ARHGAP6: variants seen among roughly 807,000 people sequenced by gnomAD.
ARHGAP6 encodes the protein Rho GTPase activating protein 6.
ARHGAP6 carries 16 observed loss-of-function variants against 55.7 expected under a neutral mutation model. The ratio of observed to expected loss-of-function variants is 0.29; its 90% CI spans 0.19 to 0.44. The LOEUF (loss-of-function observed/expected upper bound fraction) is 0.44, where lower values mean the gene tolerates loss of function less well. ARHGAP6 is among the 20% of genes least tolerant of loss of function. ARHGAP6 has a pLI of 1.00. For missense variants in ARHGAP6, 698 were observed against 808.9 expected (o/e 0.86, Z 1.66); for synonymous variants, 382 against 360.9 (o/e 1.06, Z -0.66).
intron 1 of ARHGAP6, chrX:11,334,277 TG>T: frequency 7.4e-6 from 1 of 135,771 alleles, no homozygotes. Flanking sequence ...CCCGTGTTGC[TG>T]GAGGTGATCC....
intron 1 of ARHGAP6, chrX:11,266,022 T>G: frequency 1.3e-6 from 1 of 755,355 alleles, no homozygotes; most frequent in African/African-American, 2.4e-5. Flanking sequence ...TGTGTTTGTA[T>G]GCGTGTGTGC....
At chrX:11,572,111 C>A (rs987000437) in intron 1 of ARHGAP6, among the ~76,000 whole-genome samples, 1 of 111,330 alleles carries the variant, frequency 9.0e-6, no homozygotes, top group East Asian at 2.8e-4. Context: ...AACTGATTGA[C>A]CTATTAGATG....
At chrX:11,434,759 G>C (rs1166824442) in intron 1 of ARHGAP6, among the ~76,000 whole-genome samples, 1 of 111,606 alleles carries the variant, frequency 9.0e-6, no homozygotes, top group Non-Finnish European at 1.9e-5. Context: ...AATAAAATGA[G>C]GAGAATAAAA....
At chrX:11,452,197 G>A (rs2147808442) in intron 1 of ARHGAP6, among the ~76,000 whole-genome samples, 1 of 111,880 alleles carries the variant, frequency 8.9e-6, no homozygotes, top group East Asian at 2.8e-4. Flanking sequence ...GCCCAGTATG[G>A]AGTGCAGTGG....
At chrX:11,539,420 C>T (rs904111779) in intron 1 of ARHGAP6, among the ~76,000 whole-genome samples, 2 of 112,132 alleles carry the variant, frequency 1.8e-5, no homozygotes, top group African/African-American at 6.5e-5. Flanking sequence ...ACACCATCCC[C>T]ATAACAGCTT....
intron 1 of ARHGAP6, among the ~76,000 whole-genome samples, chrX:11,506,130 G>A (rs993803858): frequency 2.7e-5 from 3 of 111,304 alleles, no homozygotes; most frequent in African/African-American, 6.5e-5. Context: ...AGTCTCCCAC[G>A]ATTCTCCCCA....
At chrX:11,492,983 A>G (rs949300041) in intron 1 of ARHGAP6, among the ~76,000 whole-genome samples, 3 of 111,820 alleles carry the variant, frequency 2.7e-5, no homozygotes, top group African/African-American at 9.8e-5. Context: ...CTGAGGGACT[A>G]TGTTGAAGAT....
At chrX:11,410,141 G>A (rs1360161369) in intron 1 of ARHGAP6, among the ~76,000 whole-genome samples, 2 of 111,981 alleles carry the variant, frequency 1.8e-5, no homozygotes, top group African/African-American at 6.5e-5. Flanking sequence ...CACGAGAAGT[G>A]AAAGCATACA....
chrX:11,574,129 C>T (rs1409155438), intron 1 of ARHGAP6, among the ~76,000 whole-genome samples: 2 of 110,374 alleles, frequency 1.8e-5, no homozygotes, highest in African/African-American at 3.3e-5. Flanking sequence ...GATTCACAGC[C>T]GAATTCTACC....
intron 1 of ARHGAP6, among the ~76,000 whole-genome samples, chrX:11,530,366 T>C (rs972082293): frequency 2.7e-5 from 3 of 112,433 alleles, no homozygotes; most frequent in South Asian, 3.7e-4. Flanking sequence ...ATTCATAATA[T>C]TGTGTTTGGT....
intron 1 of ARHGAP6, among the ~76,000 whole-genome samples, chrX:11,523,216 G>A (rs868643915): frequency 1.8e-5 from 2 of 111,333 alleles, no homozygotes; most frequent in Admixed American, 9.6e-5. Flanking sequence ...AATAAATTAG[G>A]TATTGATGGG....
At position 11,254,715 on chromosome X, in the gene ARHGAP6, C is replaced by CAA. The variant is rs1320747624; in HGVS notation, c.589-9_589-8insTT. On this transcript the variant is annotated splice_polypyrimidine_tract_variant and intron_variant, in intron 1 of 12. Transcript: ENST00000337414. The stretch of plus-strand genomic sequence containing the variant: ...GTTCCAGGTGAAATCACCCTGTAGG[C>CAA]CAAAAAAAAAAAAAAAAAAAAAATC... 6 of 918,776 alleles carry CAA rather than the reference C, an allele frequency of 6.5e-6. No homozygotes were observed. The highest frequency in any genetic ancestry group is 5.7e-5 in the Admixed American group (1 of 17,497). The allele number at this position is 918,776 out of a possible 1,213,427, so 75.7% of individuals were successfully genotyped here.
rs760232532 is a variant in ARHGAP6 at position 11,148,533 on chromosome X, C to A, written c.1908-4285G>T. ...TGCATGGAGGGTTTCCCCGTTAGACCCCCAAACCCCAGGACCATCTACATA... is the reference window on the plus strand; with the variant it reads ...TGCATGGAGGGTTTCCCCGTTAGACACCCAAACCCCAGGACCATCTACATA... On this transcript the variant is annotated intron_variant, in intron 10 of 12. Coordinates refer to ENST00000337414, the MANE Select transcript of ARHGAP6 (RefSeq NM_013427.3). 2.8e-5 allele frequency: 7 copies of A among 247,145 alleles called. No homozygotes were observed. In the East Asian group the frequency reaches 5.2e-4, roughly 18 times the overall value. 20.4% of individuals were successfully genotyped at this position (247,145 alleles called of 1,213,427 possible). A position where few individuals can be genotyped will look rare whatever the true frequency, so the allele number is the denominator to read the frequency against.
intron 1 of ARHGAP6, among the ~76,000 whole-genome samples, chrX:11,346,719 A>AAAAGAATGAAAGAAAGAAAG (rs2048789304): frequency 1.1e-5 from 1 of 92,373 alleles, no homozygotes; most frequent in African/African-American, 4.1e-5. Flanking sequence ...AAGAAGAAAG[A>AAAAGAATGAAAGAAAGAAAG]AAAGAAAGAA....
chrX:11,153,508 G>C (rs1282156194), intron 10 of ARHGAP6, among the ~76,000 whole-genome samples: 1 of 81,635 alleles, frequency 1.2e-5, no homozygotes, highest in Non-Finnish European at 2.3e-5. Flanking sequence ...CTGGGTGACA[G>C]AGCGAGACTC....
intron 1 of ARHGAP6, among the ~76,000 whole-genome samples, chrX:11,388,925 A>G (rs2049367412): frequency 1.8e-5 from 2 of 112,225 alleles, no homozygotes; most frequent in African/African-American, 6.5e-5. Flanking sequence ...CTCAGCCACA[A>G]AATAAAAGCT....
chrX:11,421,469 C>T (rs1569338156), intron 1 of ARHGAP6, among the ~76,000 whole-genome samples: 1 of 111,610 alleles, frequency 9.0e-6, no homozygotes, highest in Non-Finnish European at 1.9e-5. Context: ...TGGTTCAGAA[C>T]CACTGGTCGA....
chrX:11,480,096 T>C (rs550002566), intron 1 of ARHGAP6, among the ~76,000 whole-genome samples: 3 of 111,823 alleles, frequency 2.7e-5, no homozygotes, highest in African/African-American at 9.7e-5. Context: ...GTTTATTCTT[T>C]CTCTAGTTTG....
At chrX:11,562,655 A>T (rs5935107) in intron 1 of ARHGAP6, among the ~76,000 whole-genome samples, 38,282 of 109,176 alleles carry the variant, frequency 0.35, 5,275 homozygotes, top group African/African-American at 0.49. Flanking sequence ...AAAAAAAAAA[A>T]CTTCTTGCCA....
Sources: allele counts gnomAD v4.1 joint callset (sites outside exome capture counted in the v4.1 genomes callset), GRCh38; gene constraint gnomAD v4.1.1; transcripts MANE v1.5; gene names NCBI Gene and HGNC (gene_info 2026-07-23, HGNC 2026-07-21).